The following MEGF6 variants were observed in gnomAD, a reference collection of about 807,000 sequenced individuals.
MEGF6 encodes the protein multiple EGF like domains 6.
MEGF6 carries 184 observed loss-of-function variants against 207.1 expected under a neutral mutation model. The observed-to-expected ratio is 0.89, with a 90% CI of 0.79 to 1.00. The LOEUF (loss-of-function observed/expected upper bound fraction) is 1.00. Among genes scored for constraint, MEGF6 ranks in the 50% least tolerant of loss-of-function variants. The pLI, the probability that MEGF6 is intolerant of heterozygous loss-of-function variation, is 0.00. For missense variants in MEGF6, 2,282 were observed against 2,202.9 expected (o/e 1.04, Z -0.72); for synonymous variants, 1,038 against 910.0 (o/e 1.14, Z -2.53).
At chr1:3,609,323 G>A (rs1344691578) in intron 1 of MEGF6, among the ~76,000 whole-genome samples, 1 of 152,168 alleles carries the variant, frequency 6.6e-6, no homozygotes, top group Non-Finnish European at 1.5e-5. Flanking sequence ...CCAGCGCAGG[G>A]TCCCCGCACT....
chr1:3,598,426 C>T (rs1003169805), intron 2 of MEGF6, among the ~76,000 whole-genome samples: 5 of 152,230 alleles, frequency 3.3e-5, no homozygotes, highest in Admixed American at 1.3e-4. Context: ...ACCACTTGCC[C>T]GGACAGAAAC....
chr1:3,619,958 T>A, the MEGF6 span, among the ~76,000 whole-genome samples: 2 of 152,212 alleles, frequency 1.3e-5, no homozygotes, highest in African/African-American at 2.4e-5. Flanking sequence ...ATGCTGATAG[T>A]GATACGGACA....
intron 4 of MEGF6, among the ~76,000 whole-genome samples, chr1:3,546,162 C>G (rs529251611): frequency 9.2e-5 from 14 of 152,322 alleles, no homozygotes; most frequent in African/African-American, 3.1e-4. Context: ...ATGGGGACAG[C>G]TTGGGGCCCC....
In MEGF6 at chr1:3,595,365, G is replaced by A; in HGVS notation, c.349C>T (p.Gln117Ter). The change falls in exon 3 of 37, where the codon CAG becomes TAG. Residue 117 changes from glutamine to a stop codon, truncating the protein, a stop_gained. Coordinates refer to ENST00000356575, the MANE Select transcript of MEGF6 (RefSeq NM_001409.4). LOFTEE classifies it high-confidence loss of function. Reference protein sequence around the residue: ...VLRCCRGWMQQPDEEGCLSAE... With the variant: ...VLRCCRGWMQ The stretch of plus-strand genomic sequence containing the variant: ...GAGAGGCAGCCCTCCTCGTCGGGCT[G>A]CTGCATCCACCCTCGGCAGCACCTG... 1.2e-6 allele frequency: 2 copies of A among 1,612,506 alleles called. No homozygotes were observed. The highest frequency in any genetic ancestry group is 1.7e-6 in the Non-Finnish European group (2 of 1,179,776).
chr1:3,552,891 C>T (rs575886068), intron 4 of MEGF6, among the ~76,000 whole-genome samples: 104 of 152,172 alleles, frequency 6.8e-4, no homozygotes, highest in African/African-American at 2.3e-3. Context: ...TGCTTCATCC[C>T]GAGGCCCCAC....
At chr1:3,533,234 G>A (rs1259500976) in intron 4 of MEGF6, among the ~76,000 whole-genome samples, 2 of 152,156 alleles carry the variant, frequency 1.3e-5, no homozygotes, top group African/African-American at 2.4e-5. Flanking sequence ...ACCTTGCCCC[G>A]TCCTGTCTGC....
At chr1:3,519,630 C>T (rs1015824176) in intron 5 of MEGF6, among the ~76,000 whole-genome samples, 3 of 152,210 alleles carry the variant, frequency 2.0e-5, no homozygotes, top group Non-Finnish European at 2.9e-5. Flanking sequence ...TGGTCTATAT[C>T]GACAGGGCAG....
chr1:3,544,934 G>A (rs541548279), intron 4 of MEGF6, among the ~76,000 whole-genome samples: 7 of 152,294 alleles, frequency 4.6e-5, no homozygotes, highest in South Asian at 2.1e-4. Flanking sequence ...AGGATGACTC[G>A]GGTCACCGGA....
At chr1:3,535,379 C>A (rs1449832604) in intron 4 of MEGF6, among the ~76,000 whole-genome samples, 1 of 152,194 alleles carries the variant, frequency 6.6e-6, no homozygotes, top group African/African-American at 2.4e-5. Context: ...CCATCTCACC[C>A]TCAGGGTCAC....
At chr1:3,561,923 G>A (rs12129430) in intron 4 of MEGF6, among the ~76,000 whole-genome samples, 2,704 of 152,348 alleles carry the variant, frequency 0.018, 39 homozygotes, top group Non-Finnish European at 0.028. Flanking sequence ...TCAAAGGAAG[G>A]AAGCCAAGAA....
Position 3,494,368 on chromosome 1 carries a change from C to A in MEGF6, c.4129+3G>T. 6.5e-7 allele frequency: 1 copy of A among 1,540,520 alleles called. No homozygotes were observed. On this transcript the variant is annotated splice_donor_region_variant and intron_variant, in intron 32 of 36. Transcript: ENST00000356575. ...AGCCCAGCTGCACAGGCCCCCAACT[C>A]ACGGTGCTCGCAGGCCTGGCCATAG... is the stretch of plus-strand genomic sequence containing the variant.
intron 5 of MEGF6, among the ~76,000 whole-genome samples, chr1:3,517,479 CA>C (rs1641587480): frequency 1.3e-5 from 2 of 152,240 alleles, no homozygotes; most frequent in Admixed American, 6.5e-5. Flanking sequence ...AGCCGGGAGC[CA>C]AGCCCAGTGT....
chr1:3,544,293 T>G (rs540935541), intron 4 of MEGF6, among the ~76,000 whole-genome samples: 2 of 142,628 alleles, frequency 1.4e-5, no homozygotes, highest in East Asian at 1.9e-4. Flanking sequence ...GCAGCCAGCC[T>G]GACCAGGCTC....
chr1:3,531,037 G>T, intron 4 of MEGF6: 1 of 1,446,080 alleles, frequency 6.9e-7, no homozygotes. Context: ...GCCGGGGAGC[G>T]CCCTGGCCCC....
At chr1:3,593,590 C>A (rs1367585756) in intron 3 of MEGF6, among the ~76,000 whole-genome samples, 3 of 151,946 alleles carry the variant, frequency 2.0e-5, no homozygotes, top group Non-Finnish European at 4.4e-5. Context: ...TCTCCCCGCC[C>A]CCGGCCTGCT....
At chr1:3,535,052 C>T (rs1484731572) in intron 4 of MEGF6, among the ~76,000 whole-genome samples, 1 of 152,184 alleles carries the variant, frequency 6.6e-6, no homozygotes, top group Non-Finnish European at 1.5e-5. Flanking sequence ...GGCATGGCCA[C>T]ATCCCGGGGC....
At chr1:3,529,842 C>T (rs1167794630) in intron 4 of MEGF6, among the ~76,000 whole-genome samples, 2 of 152,234 alleles carry the variant, frequency 1.3e-5, no homozygotes, top group Non-Finnish European at 2.9e-5. Flanking sequence ...CTTCCGAAGC[C>T]CACCTGGACT....
At chr1:3,501,346 G>A (rs1569962069) in intron 18 of MEGF6, 38 bp from the exon 19 acceptor site, 2 of 1,566,498 alleles carry the variant, frequency 1.3e-6, no homozygotes, top group South Asian at 1.2e-5. Context: ...TGCCCAAGCT[G>A]CCCTTGCTCA....
intron 2 of MEGF6, among the ~76,000 whole-genome samples, chr1:3,599,830 C>T (rs574847539): frequency 3.5e-4 from 54 of 152,330 alleles, no homozygotes; most frequent in African/African-American, 1.1e-3. Flanking sequence ...GGCTGTTCTG[C>T]GCGTGGGCAC....
Sources: allele counts gnomAD v4.1 joint callset (sites outside exome capture counted in the v4.1 genomes callset), GRCh38; gene constraint gnomAD v4.1.1; transcripts MANE v1.5; gene names NCBI Gene and HGNC (gene_info 2026-07-23, HGNC 2026-07-21).